GABRB1: variants seen among roughly 807,000 people sequenced by gnomAD.
GABRB1 encodes gamma-aminobutyric acid receptor subunit beta-1.
A neutral mutation model predicts 51.6 loss-of-function variants in GABRB1; 17 were observed. The ratio of observed to expected loss-of-function variants is 0.33; its 90% confidence interval spans 0.23 to 0.49. The LOEUF (loss-of-function observed/expected upper bound fraction) is 0.49, where lower values mean the gene tolerates loss of function less well. Among genes scored for constraint, GABRB1 ranks in the 20% least tolerant of loss-of-function variants. GABRB1 has a pLI of 0.99. For synonymous variants in GABRB1, 247 were observed against 218.9 expected, an observed-to-expected ratio of 1.13 and a Z score of -1.14; for missense variants, 410 against 600.6, an observed-to-expected ratio of 0.68 and a Z score of 3.32.
intron 1 of GABRB1, among the ~76,000 whole-genome samples, chr4:47,021,427 G>C (rs1291965662): frequency 6.6e-6 from 1 of 152,082 alleles, no homozygotes; most frequent in Non-Finnish European, 1.5e-5. Flanking sequence ...GCCATGTGTG[G>C]ACACAGGAAA....
chr4:47,086,395 A>AC (rs1728063593), intron 3 of GABRB1, among the ~76,000 whole-genome samples: 1 of 152,078 alleles, frequency 6.6e-6, no homozygotes, highest in Non-Finnish European at 1.5e-5. Flanking sequence ...ATCAAAATCA[A>AC]CCCCCCTTTA....
intron 4 of GABRB1, among the ~76,000 whole-genome samples, chr4:47,167,927 T>G (rs1718264714): frequency 6.6e-6 from 1 of 152,164 alleles, no homozygotes; most frequent in Admixed American, 6.6e-5. Flanking sequence ...ACCCAGTTCA[T>G]GGTATTCTGT....
At chr4:47,046,790 C>T (rs1164941424) in intron 3 of GABRB1, among the ~76,000 whole-genome samples, 1 of 152,106 alleles carries the variant, frequency 6.6e-6, no homozygotes, top group Non-Finnish European at 1.5e-5. Context: ...GGTACATATA[C>T]ACCATGGAAT....
At chr4:47,069,828 T>C (rs982506625) in intron 3 of GABRB1, among the ~76,000 whole-genome samples, 5 of 152,144 alleles carry the variant, frequency 3.3e-5, no homozygotes, top group Non-Finnish European at 7.4e-5. Flanking sequence ...TTTAAAGTGT[T>C]GACTATACTC....
chr4:47,375,825 G>A (rs34151330), intron 5 of GABRB1, among the ~76,000 whole-genome samples: 78 of 152,210 alleles, frequency 5.1e-4, no homozygotes, highest in Non-Finnish European at 1.0e-3. Context: ...ATAATATTTC[G>A]GCAGTATGTG....
chr4:47,121,911 G>T (rs1560544262), intron 3 of GABRB1, among the ~76,000 whole-genome samples: 1 of 152,062 alleles, frequency 6.6e-6, no homozygotes, highest in Non-Finnish European at 1.5e-5. Flanking sequence ...ATTTCTTAAA[G>T]CTTCTGTTTT....
chr4:47,358,365 A>C (rs896492423), intron 5 of GABRB1, among the ~76,000 whole-genome samples: 2 of 147,936 alleles, frequency 1.4e-5, no homozygotes, highest in Non-Finnish European at 2.9e-5. Flanking sequence ...GTGTGTGTGT[A>C]TATATATGTG....
At chr4:47,224,399 G>T (rs1720875325) in intron 4 of GABRB1, among the ~76,000 whole-genome samples, 2 of 152,070 alleles carry the variant, frequency 1.3e-5, no homozygotes, top group African/African-American at 4.8e-5. Context: ...ATAGAGGAGA[G>T]AGATGAGGCT....
chr4:47,374,602 T>C (rs932111289), intron 5 of GABRB1, among the ~76,000 whole-genome samples: 3 of 152,186 alleles, frequency 2.0e-5, no homozygotes, highest in African/African-American at 4.8e-5. Context: ...CAGCACATAG[T>C]ATTGAGCCTG....
intron 4 of GABRB1, among the ~76,000 whole-genome samples, chr4:47,218,988 G>T (rs1465173701): frequency 6.6e-6 from 1 of 151,744 alleles, no homozygotes; most frequent in East Asian, 1.9e-4. Flanking sequence ...TGTAGAAAGT[G>T]TGGTCTATGG....
In GABRB1 at chr4:47,299,483, G is replaced by GA. The variant is rs1460820237; in HGVS notation, c.462-20638dup. 2.0e-4 allele frequency among the ~76,000 whole-genome samples: 30 copies of GA among 152,204 alleles called. No homozygotes were observed. The East Asian group carries it at 5.8e-3, about 29-fold the overall frequency. On this transcript the variant is annotated intron_variant, in intron 4 of 8. Transcript: ENST00000295454. The stretch of plus-strand genomic sequence containing the variant: ...ACATTTATGCAGCCAAAAAACACAT[G>GA]AAAAAATGCTCATCATCACTGGCCA...
intron 3 of GABRB1, among the ~76,000 whole-genome samples, chr4:47,158,123 A>G (rs1717779667): frequency 6.6e-6 from 1 of 152,134 alleles, no homozygotes; most frequent in Non-Finnish European, 1.5e-5. Context: ...GGAAAAGTCT[A>G]TACCCATACA....
At chr4:47,407,281 A>G (rs1728609265) in intron 8 of GABRB1, among the ~76,000 whole-genome samples, 1 of 152,258 alleles carries the variant, frequency 6.6e-6, no homozygotes, top group Admixed American at 6.5e-5. Context: ...GGTTATAACC[A>G]TAGACTGAAA....
intron 1 of GABRB1, 78 bp from the exon 2 acceptor site, chr4:47,031,836 G>A: frequency 1.3e-6 from 2 of 1,494,134 alleles, no homozygotes; most frequent in South Asian, 1.1e-5. Flanking sequence ...TTGTTTGGGG[G>A]TAGGTGTGCC....
At chr4:47,404,171 C>T (rs905353941) in intron 7 of GABRB1, among the ~76,000 whole-genome samples, 8 of 152,140 alleles carry the variant, frequency 5.3e-5, no homozygotes, top group African/African-American at 1.9e-4. Context: ...TAAATCGTAT[C>T]AAGCCACGTC....
intron 4 of GABRB1, among the ~76,000 whole-genome samples, chr4:47,226,928 T>C (rs1248292163): frequency 6.6e-6 from 1 of 152,198 alleles, no homozygotes; most frequent in Non-Finnish European, 1.5e-5. Flanking sequence ...AATAAAGTGA[T>C]ATGGAGTGAA....
At chr4:47,371,051 A>G (rs978659286) in intron 5 of GABRB1, among the ~76,000 whole-genome samples, 2 of 151,912 alleles carry the variant, frequency 1.3e-5, no homozygotes, top group Non-Finnish European at 2.9e-5. Context: ...TAGTAAGCCC[A>G]GCTTCCGTTA....
intron 3 of GABRB1, among the ~76,000 whole-genome samples, chr4:47,131,318 C>T (rs775449490): frequency 1.3e-5 from 2 of 152,108 alleles, no homozygotes; most frequent in Non-Finnish European, 2.9e-5. Context: ...GCCACCATAC[C>T]TGGCTAATTT....
intron 4 of GABRB1, among the ~76,000 whole-genome samples, chr4:47,237,382 C>A (rs1321687070): frequency 6.6e-6 from 1 of 151,858 alleles, no homozygotes; most frequent in Non-Finnish European, 1.5e-5. Flanking sequence ...TAGGAAATAA[C>A]CCTTCACTGA....
Sources: gnomAD v4.1 joint callset for allele counts (sites outside exome capture counted in the v4.1 genomes callset) on GRCh38, gnomAD v4.1.1 for gene constraint, MANE v1.5 for transcripts, NCBI Gene and HGNC (gene_info 2026-07-23, HGNC 2026-07-21) for gene names.